NELL2: variants seen among roughly 807,000 people sequenced by gnomAD.
NELL2 encodes the protein neural EGFL like 2, also known as protein kinase C-binding protein NELL2.
In NELL2, 41 loss-of-function variants were observed where a neutral mutation model predicts 109.6. The ratio of observed to expected loss-of-function variants is 0.37; its 90% CI spans 0.29 to 0.49. The LOEUF is 0.49. Among genes scored for constraint, NELL2 ranks in the 20% least tolerant of loss-of-function variants. The probability of loss-of-function intolerance (pLI) is 0.98; values close to 1 mark genes in which losing one functional copy is unlikely to be tolerated. For missense variants in NELL2, 900 were observed against 1,008.3 expected (o/e 0.89, Z 1.45); for synonymous variants, 355 against 344.7 (o/e 1.03, Z -0.33).
intron 13 of NELL2, among the ~76,000 whole-genome samples, chr12:44,648,213 T>C (rs918436933): frequency 6.6e-6 from 1 of 152,224 alleles, no homozygotes; most frequent in Admixed American, 6.5e-5. Flanking sequence ...TTCTGTCAAA[T>C]CTTTGCAATG....
intron 13 of NELL2, among the ~76,000 whole-genome samples, chr12:44,657,990 T>C (rs2082369095): frequency 6.6e-6 from 1 of 152,212 alleles, no homozygotes; most frequent in South Asian, 2.1e-4. Context: ...TTTGGGTATA[T>C]ACCCAAAAAT....
chr12:44,780,106 G>GTACATCTATTCC, intron 3 of NELL2, 84 bp from the exon 4 acceptor site: 1 of 1,428,460 alleles, frequency 7.0e-7, no homozygotes, highest in Non-Finnish European at 9.5e-7. Flanking sequence ...GGATGGAATA[G>GTACATCTATTCC]ATGTACTTTT....
At chr12:44,717,567 A>C (rs1422271679) in intron 9 of NELL2, among the ~76,000 whole-genome samples, 3 of 152,174 alleles carry the variant, frequency 2.0e-5, no homozygotes, top group Admixed American at 2.0e-4. Context: ...CAGCTGGATT[A>C]AGATTAAGAA....
Position 44,700,488 on chromosome 12 carries a change from T to C in NELL2, c.1318+3238A>G, listed in dbSNP as rs1168856248. ...TGGGCACCTCTCCTGTGCTCTCTGC[T>C]ACTGGCCTTCCTTTGGTTCTTAAAA... On this transcript the variant is annotated intron_variant, in intron 12 of 19. Transcript: ENST00000429094. 2.0e-5 allele frequency among the ~76,000 whole-genome samples: 3 copies of C among 152,194 alleles called. No homozygotes were observed. The East Asian group carries it at 5.8e-4, about 29-fold the overall frequency.
chr12:44,816,175 T>C (rs986803472), intron 2 of NELL2, 39 bp from the exon 3 acceptor site: 1 of 1,512,962 alleles, frequency 6.6e-7, no homozygotes, highest in Non-Finnish European at 8.9e-7. Flanking sequence ...ATAGTAGAAT[T>C]TGATTTTATG....
At chr12:44,807,043 G>A (rs1055458176) in intron 3 of NELL2, among the ~76,000 whole-genome samples, 20 of 151,166 alleles carry the variant, frequency 1.3e-4, no homozygotes, top group African/African-American at 4.4e-4. Context: ...TTTTTACAAA[G>A]CAAGACTACC....
At chr12:44,859,120 G>A (rs1291995098) in intron 2 of NELL2, among the ~76,000 whole-genome samples, 1 of 152,032 alleles carries the variant, frequency 6.6e-6, no homozygotes, top group Non-Finnish European at 1.5e-5. Flanking sequence ...CATGATTTAC[G>A]ATAAAATTTT....
intron 12 of NELL2, among the ~76,000 whole-genome samples, chr12:44,672,552 C>A (rs1379105108): frequency 6.6e-6 from 1 of 152,162 alleles, no homozygotes; most frequent in Non-Finnish European, 1.5e-5. Context: ...TAGCCTACCC[C>A]AGCAGAAGTA....
intron 9 of NELL2, among the ~76,000 whole-genome samples, chr12:44,741,874 C>T (rs1939991923): frequency 6.6e-6 from 1 of 152,368 alleles, no homozygotes; most frequent in Admixed American, 6.5e-5. Context: ...GTAGGCTCCA[C>T]CTCTGTGGGC....
intron 2 of NELL2, among the ~76,000 whole-genome samples, chr12:44,867,890 C>A (rs554980006): frequency 9.9e-5 from 15 of 152,002 alleles, no homozygotes; most frequent in African/African-American, 3.1e-4. Flanking sequence ...GAGCCCGAGG[C>A]GGTCCAATCA....
chr12:44,686,124 C>G (rs1414691025), intron 12 of NELL2, among the ~76,000 whole-genome samples: 1 of 152,034 alleles, frequency 6.6e-6, no homozygotes, highest in Non-Finnish European at 1.5e-5. Context: ...TCTTTTTATT[C>G]TTTTTCTCTA....
chr12:44,714,793 G>A (rs1229812259), intron 9 of NELL2, 52 bp from the exon 10 acceptor site: 1 of 1,169,794 alleles, frequency 8.5e-7, no homozygotes. Context: ...AAATAGCTTA[G>A]AAGGGATCAG....
At chr12:44,722,828 T>C (rs1293897461) in intron 9 of NELL2, among the ~76,000 whole-genome samples, 2 of 152,138 alleles carry the variant, frequency 1.3e-5, no homozygotes, top group African/African-American at 4.8e-5. Context: ...TTACCTATAC[T>C]CCCAAACCAG....
intron 12 of NELL2, among the ~76,000 whole-genome samples, chr12:44,685,057 C>A (rs895766895): frequency 6.6e-6 from 1 of 151,954 alleles, no homozygotes; most frequent in Non-Finnish European, 1.5e-5. Context: ...GAGTCTAAGT[C>A]TCTTTGTAGG....
intron 2 of NELL2, among the ~76,000 whole-genome samples, chr12:44,828,434 C>G (rs944860180): frequency 2.0e-5 from 3 of 152,102 alleles, no homozygotes; most frequent in African/African-American, 7.2e-5. Context: ...AAATTTCTTT[C>G]GAATCTACAG....
rs769020495 is a variant in NELL2, at chr12:44,776,107, T to C, written c.806A>G (p.Tyr269Cys). 2 of 1,614,120 alleles carry C rather than the reference T, an allele frequency of 1.2e-6. No homozygotes were observed. The highest frequency in any genetic ancestry group is 1.1e-5 in the South Asian group (1 of 91,082). Residue 269 changes from tyrosine to cysteine, a missense_variant, in exon 8 of 20, where the codon TAT becomes TGT. Around this residue, in one of 4 missense-constraint regions of NELL2, gnomAD observed 292 missense variants for 265.3 expected, o/e 1.10. Coordinates refer to ENST00000429094, the MANE Select transcript of NELL2 (RefSeq NM_001145108.2). ...CTTCATGGTGCAAGTCCTTTCACAA[T>C]AGCACTGATCCAATCTATTCATTCG... is the stretch of plus-strand genomic sequence containing the variant. ...EQRMNRLDQC[Y>C]CERTCTMKGT... is the part of the protein sequence containing the mutation.
At chr12:44,759,576 G>GA (rs1941036764) in intron 9 of NELL2, among the ~76,000 whole-genome samples, 1 of 152,098 alleles carries the variant, frequency 6.6e-6, no homozygotes, top group East Asian at 1.9e-4. Context: ...CATGATTGAA[G>GA]AAAAAAATCC....
intron 9 of NELL2, among the ~76,000 whole-genome samples, chr12:44,773,444 C>A (rs1941628987): frequency 1.3e-5 from 2 of 151,996 alleles, no homozygotes; most frequent in Non-Finnish European, 2.9e-5. Context: ...CCACTGCACT[C>A]CAGCCTGGGC....
intron 1 of NELL2, among the ~76,000 whole-genome samples, chr12:44,894,544 T>C (rs1441662226): frequency 6.6e-6 from 1 of 152,114 alleles, no homozygotes; most frequent in East Asian, 1.9e-4. Context: ...CTTTCAAAAA[T>C]TGAAAAGGAT....
Sources: gnomAD v4.1 joint callset for allele counts (sites outside exome capture counted in the v4.1 genomes callset) on GRCh38, gnomAD v4.1.1 for gene constraint, gnomAD v4.1.1 regional missense constraint, MANE v1.5 for transcripts, NCBI Gene and HGNC (gene_info 2026-07-23, HGNC 2026-07-21) for gene names.